The following DOCK9 variants were observed in gnomAD, a reference collection of about 807,000 sequenced individuals.
DOCK9 encodes the protein dedicator of cytokinesis protein 9.
Under a neutral mutation model 263.3 loss-of-function variants are expected in DOCK9, and 89 were observed. The observed-to-expected ratio is 0.34, with a 90% confidence interval of 0.28 to 0.40. The LOEUF is 0.40. Among genes scored for constraint, DOCK9 ranks in the 10% least tolerant of loss-of-function variants. The pLI is 1.00. For synonymous variants in DOCK9, 976 were observed against 973.1 expected (o/e 1.00, Z -0.06); for missense variants, 2,140 against 2,603.4 (o/e 0.82, Z 3.87).
chr13:98,956,080 TAGAAAG>T (rs2058028171), intron 1 of DOCK9, among the ~76,000 whole-genome samples: 3 of 152,034 alleles, frequency 2.0e-5, no homozygotes, highest in Non-Finnish European at 4.4e-5. Context: ...TACCTAAAGG[TAGAAAG>T]ATAATGAGCT....
exon 1 of DOCK9, chr13:99,086,475 C>G: frequency 1.8e-6 from 1 of 569,058 alleles, no homozygotes; most frequent in Non-Finnish European, 2.2e-6. Context: ...CCGCCGCCTG[C>G]TCCCCCCGCT....
intron 20 of DOCK9, 123 bp downstream of exon 20, chr13:98,885,585 C>T (rs563991700): frequency 2.4e-5 from 27 of 1,107,310 alleles, no homozygotes; most frequent in South Asian, 3.7e-5. Flanking sequence ...GCTACATATC[C>T]GTTACCTATA....
At chr13:98,975,293 C>T (rs752230382) in intron 1 of DOCK9, among the ~76,000 whole-genome samples, 2 of 150,176 alleles carry the variant, frequency 1.3e-5, no homozygotes, top group Non-Finnish European at 3.0e-5. Flanking sequence ...ACCCAGGAGA[C>T]GGAGGTTGCA....
chr13:98,914,186 C>T (rs2050515174), intron 9 of DOCK9, 142 bp downstream of exon 9: 2 of 692,698 alleles, frequency 2.9e-6, no homozygotes, highest in Non-Finnish European at 4.8e-6. Context: ...TACACGTCAC[C>T]TCGTAATCAG....
intron 1 of DOCK9, among the ~76,000 whole-genome samples, chr13:99,004,137 G>A (rs1444180444): frequency 6.6e-6 from 1 of 152,172 alleles, no homozygotes; most frequent in Non-Finnish European, 1.5e-5. Context: ...TCTACAAGGA[G>A]CCCTGCGTAG....
chr13:98,815,789 TAA>T (rs1204368285), intron 45 of DOCK9, among the ~76,000 whole-genome samples: 2 of 152,150 alleles, frequency 1.3e-5, no homozygotes, highest in African/African-American at 4.8e-5. Context: ...CCGAGAAATG[TAA>T]AGTTTTTGTG....
At chr13:98,797,312 C>A in intron 51 of DOCK9, 59 bp from the exon 52 acceptor site, 1 of 1,610,852 alleles carries the variant, frequency 6.2e-7, no homozygotes, top group Non-Finnish European at 8.5e-7. Context: ...TGAGTCCAAC[C>A]AGCAGCATCT....
At chr13:98,801,162 G>C (rs1440225370) in intron 49 of DOCK9, among the ~76,000 whole-genome samples, 3 of 152,146 alleles carry the variant, frequency 2.0e-5, no homozygotes, top group African/African-American at 7.2e-5. Context: ...GGTGGTATAT[G>C]CCTGTAGTCC....
chr13:99,082,115 A>G (rs1193268326), intron 1 of DOCK9, among the ~76,000 whole-genome samples: 1 of 152,188 alleles, frequency 6.6e-6, no homozygotes, highest in Non-Finnish European at 1.5e-5. Flanking sequence ...GCTACTCTGG[A>G]GGCTGAGGTA....
At chr13:98,939,624 G>C (rs113147486) in intron 2 of DOCK9, among the ~76,000 whole-genome samples, 29 of 152,324 alleles carry the variant, frequency 1.9e-4, no homozygotes, top group African/African-American at 3.1e-4. Flanking sequence ...CTCAGGAGAC[G>C]GACGGACCTG....
At chr13:99,073,945 A>G (rs888294244) in intron 1 of DOCK9, among the ~76,000 whole-genome samples, 1 of 152,198 alleles carries the variant, frequency 6.6e-6, no homozygotes, top group Non-Finnish European at 1.5e-5. Flanking sequence ...CTGGCATTAG[A>G]TTCTCCAGCT....
chr13:98,843,339 G>A (rs2093286215), intron 38 of DOCK9, among the ~76,000 whole-genome samples: 1 of 152,080 alleles, frequency 6.6e-6, no homozygotes, highest in Non-Finnish European at 1.5e-5. Context: ...CCCAGGTAGA[G>A]ATGAAAACAA....
At chr13:99,087,820 C>T (rs1349959790), upstream of DOCK9, 1 of 152,318 alleles carries the variant, frequency 6.6e-6, no homozygotes, top group African/African-American at 2.4e-5. Flanking sequence ...CGTTGCCTTC[C>T]GATGGACAGT....
chr13:98,842,762 G>A (rs1045965478), intron 38 of DOCK9, among the ~76,000 whole-genome samples: 1 of 152,136 alleles, frequency 6.6e-6, no homozygotes, highest in Non-Finnish European at 1.5e-5. Context: ...GATACACAAT[G>A]AGCACAAATT....
At chr13:98,882,034 T>C in intron 23 of DOCK9, 27 bp from the exon 24 acceptor site, 5 of 1,537,820 alleles carry the variant, frequency 3.3e-6, no homozygotes, top group South Asian at 1.2e-5. Context: ...GCACAGTTCA[T>C]GTTATCCTTC....
intron 1 of DOCK9, among the ~76,000 whole-genome samples, chr13:99,019,395 A>G (rs1885805232): frequency 6.6e-6 from 1 of 152,206 alleles, no homozygotes; most frequent in African/African-American, 2.4e-5. Flanking sequence ...GTGTGAATGT[A>G]ATTTTTAAAA....
At chr13:99,069,368 C>T (rs1355395545) in intron 1 of DOCK9, among the ~76,000 whole-genome samples, 1 of 152,178 alleles carries the variant, frequency 6.6e-6, no homozygotes, top group Non-Finnish European at 1.5e-5. Flanking sequence ...CTTGTAGAAA[C>T]ATGAATATCA....
At chr13:99,069,173 C>A (rs950866871) in intron 1 of DOCK9, among the ~76,000 whole-genome samples, 5 of 152,142 alleles carry the variant, frequency 3.3e-5, no homozygotes, top group African/African-American at 1.2e-4. Context: ...TAATTTTAAC[C>A]AATGTACGTG....
chr13:99,021,088 G>C (rs958125342), intron 1 of DOCK9, among the ~76,000 whole-genome samples: 2 of 152,158 alleles, frequency 1.3e-5, no homozygotes, highest in Non-Finnish European at 2.9e-5. Flanking sequence ...TCAATGCCTC[G>C]TTCCTTTTAT....
Sources: allele counts gnomAD v4.1 joint callset (sites outside exome capture counted in the v4.1 genomes callset), GRCh38; gene constraint gnomAD v4.1.1; transcripts MANE v1.5; gene names NCBI Gene and HGNC (gene_info 2026-07-23, HGNC 2026-07-21).